Variants in RNF152 observed in about 807,000 individuals in gnomAD.
RNF152 encodes the protein ring finger protein 152.
Under a neutral mutation model 12.7 loss-of-function variants are expected in RNF152, and 11 were observed. The ratio of observed to expected loss-of-function variants is 0.86; its 90% CI spans 0.54 to 1.43. The LOEUF (loss-of-function observed/expected upper bound fraction) is 1.43, where lower values mean the gene tolerates loss of function less well. Ranked by LOEUF, RNF152 falls within the 40% of genes most tolerant of loss-of-function variation. RNF152 has a pLI of 0.00. For missense variants in RNF152, 255 were observed against 274.8 expected (o/e 0.93, Z 0.51); for synonymous variants, 113 against 120.3 (o/e 0.94, Z 0.40).
intron 1 of RNF152, among the ~76,000 whole-genome samples, chr18:61,855,356 G>C (rs186979179): frequency 2.0e-5 from 3 of 152,218 alleles, no homozygotes; most frequent in Non-Finnish European, 4.4e-5. Context: ...TGGCAGAAGC[G>C]GCCTGTTTGG....
chr18:61,867,873 A>T (rs1464558843), intron 1 of RNF152, among the ~76,000 whole-genome samples: 1 of 152,212 alleles, frequency 6.6e-6, no homozygotes, highest in East Asian at 1.9e-4. Context: ...TCTATAAGGA[A>T]CCCCCACTGT....
intron 1 of RNF152, among the ~76,000 whole-genome samples, chr18:61,867,387 G>GGTTGCAGTGAGAGGAGACTGCGCC (rs1412277738): frequency 1.1e-4 from 16 of 152,134 alleles, no homozygotes; most frequent in African/African-American, 3.9e-4. Flanking sequence ...GGGAGGCAGA[G>GGTTGCAGTGAGAGGAGACTGCGCC]GTTGCAGTGA....
rs187771621 is a variant in RNF152 at position 61,862,534 on chromosome 18, A to C, written c.-136+30261T>G. 1.0e-3 allele frequency among the ~76,000 whole-genome samples: 154 copies of C among 152,194 alleles called. 2 individuals are homozygous for C. The East Asian group carries it at 0.026, about 25-fold the overall frequency. Reference sequence around the variant, plus strand: ...CCCTGGGGACAGGAATGCTAGTGTCATGAAGCTTCGGTAAAAAAACCCAAG... The same window carrying C: ...CCCTGGGGACAGGAATGCTAGTGTCCTGAAGCTTCGGTAAAAAAACCCAAG... On this transcript the variant is annotated intron_variant, in intron 1 of 1. Coordinates refer to ENST00000312828, the MANE Select transcript of RNF152 (RefSeq NM_173557.3).
intron 1 of RNF152, among the ~76,000 whole-genome samples, chr18:61,840,677 G>C (rs936347851): frequency 2.6e-5 from 4 of 152,184 alleles, no homozygotes; most frequent in Non-Finnish European, 5.9e-5. Flanking sequence ...TTCTAGAATG[G>C]GGGCCTAGCA....
At chr18:61,825,852 C>A (rs922900251) in intron 1 of RNF152, among the ~76,000 whole-genome samples, 3 of 152,152 alleles carry the variant, frequency 2.0e-5, no homozygotes, top group Non-Finnish European at 4.4e-5. Context: ...CACATGTTCC[C>A]TACTCCTAAT....
chr18:61,844,092 A>AAGAAAGAAAGAAAGAAAGAAAGAAAG (rs1910602624), intron 1 of RNF152, among the ~76,000 whole-genome samples: 4 of 110,972 alleles, frequency 3.6e-5, no homozygotes, highest in Admixed American at 9.1e-5. Context: ...GAAAGAAAGA[A>AAGAAAGAAAGAAAGAAAGAAAGAAAG]AGAAAGAAAG....
rs1910585174 is a variant in RNF152, at chr18:61,844,073, G to GA, written c.-135-27476dup. The stretch of plus-strand genomic sequence containing the variant: ...AAAAAGAAAGAGAGAAAGACAGAAA[G>GA]AAAGGAAAGAAAGAAAGAAAGAAAG... On this transcript the variant is annotated intron_variant, in intron 1 of 1. Coordinates refer to ENST00000312828, the MANE Select transcript of RNF152 (RefSeq NM_173557.3). Among the ~76,000 whole-genome samples, 5 of 115,452 alleles carry GA rather than the reference G, an allele frequency of 4.3e-5. No individual in the cohort carries two copies. In the South Asian group the frequency reaches 8.6e-4, roughly 20 times the overall value. The allele number at this position is 115,452 out of a possible 152,430, so 75.7% of individuals were successfully genotyped here.
At chr18:61,884,558 C>A (rs991197229) in intron 1 of RNF152, among the ~76,000 whole-genome samples, 1 of 151,936 alleles carries the variant, frequency 6.6e-6, no homozygotes, top group Non-Finnish European at 1.5e-5. Context: ...ATTCAACATT[C>A]TTTTGTTTGT....
At position 61,844,077 on chromosome 18, in the gene RNF152, G is replaced by GAAA. The variant is rs1166401201; in HGVS notation, c.-135-27480_-135-27479insTTT. On this transcript the variant is annotated intron_variant, in intron 1 of 1. Transcript: ENST00000312828. ...AGAAAGAGAGAAAGACAGAAAGAAA[G>GAAA]GAAAGAAAGAAAGAAAGAAAGAAAG... Among the ~76,000 whole-genome samples, 100 of 68,500 alleles carry GAAA rather than the reference G, an allele frequency of 1.5e-3. 1 individual carries two copies. The highest frequency in any genetic ancestry group is 6.5e-3 in the Middle Eastern group (1 of 154). 44.9% of individuals were successfully genotyped at this position (68,500 alleles called of 152,430 possible). A position where few individuals can be genotyped will look rare whatever the true frequency, so the allele number is the denominator to read the frequency against.
At position 61,816,042 on chromosome 18, in the gene RNF152, G is replaced by A; in HGVS notation, c.422C>T (p.Pro141Leu). 1 of 1,614,246 alleles carries A rather than the reference G, an allele frequency of 6.2e-7. No homozygotes were observed. The highest frequency in any genetic ancestry group is 8.5e-7 in the Non-Finnish European group (1 of 1,180,044). The change falls in exon 2 of 2, where the codon CCT becomes CTT. Residue 141 changes from proline to leucine, a missense_variant. Physicochemically the swap from Pro to Leu is moderately conservative, Grantham distance 98. Coordinates refer to ENST00000312828, the MANE Select transcript of RNF152 (RefSeq NM_173557.3). ...TVVTIPAEQQ[P>L]LQGGAPQEAV... ...CTCCTGGGGAGCCCCACCTTGCAGA[G>A]GCTGCTGTTCAGCAGGGATGGTCAC... is the stretch of plus-strand genomic sequence containing the variant.
intron 1 of RNF152, chr18:61,888,372 T>G (rs913622013): frequency 6.6e-6 from 1 of 152,230 alleles, no homozygotes. Context: ...TACTTACAAC[T>G]GTTTGACCTA....
Position 61,853,533 on chromosome 18 carries a change from C to G in RNF152, c.-135-36935G>C, listed in dbSNP as rs146836261. On this transcript the variant is annotated intron_variant, in intron 1 of 1. Transcript: ENST00000312828. ...TCTTGAACTCCTGACCTCAGGTGAT[C>G]TGCCAGCCTTGGCCTCCCAAAGTGC... Among the ~76,000 whole-genome samples the G allele has an allele frequency of 7.5e-3, 1,149 of 152,258 alleles. 9 individuals are homozygous for G. Among genetic ancestry groups the G allele is most frequent in the Non-Finnish European group, 0.01 (710 of 68,022 alleles).
At chr18:61,882,842 G>A (rs1316527318) in intron 1 of RNF152, among the ~76,000 whole-genome samples, 1 of 151,976 alleles carries the variant, frequency 6.6e-6, no homozygotes, top group African/African-American at 2.4e-5. Context: ...GTAAACACTG[G>A]GTGCTGAGTA....
At chr18:61,831,498 A>G (rs1430271795) in intron 1 of RNF152, among the ~76,000 whole-genome samples, 5 of 152,146 alleles carry the variant, frequency 3.3e-5, no homozygotes, top group Non-Finnish European at 7.4e-5. Flanking sequence ...TGTCTCCCTT[A>G]TTATCTCCAT....
intron 1 of RNF152, among the ~76,000 whole-genome samples, chr18:61,862,509 C>A (rs559978204): frequency 6.6e-6 from 1 of 152,152 alleles, no homozygotes; most frequent in Non-Finnish European, 1.5e-5. Flanking sequence ...CCACCCTGTG[C>A]CCTGGGGACA....
chr18:61,879,304 A>G (rs891237165), intron 1 of RNF152, among the ~76,000 whole-genome samples: 1 of 152,222 alleles, frequency 6.6e-6, no homozygotes, highest in Non-Finnish European at 1.5e-5. Context: ...CATAGCATTT[A>G]CATTGTATTA....
intron 1 of RNF152, among the ~76,000 whole-genome samples, chr18:61,859,532 G>A (rs1200888151): frequency 6.6e-6 from 1 of 152,208 alleles, no homozygotes; most frequent in Admixed American, 6.5e-5. Context: ...TCACCCACCT[G>A]TGTGGGGCAG....
intron 1 of RNF152, among the ~76,000 whole-genome samples, chr18:61,860,928 T>A (rs142443462): frequency 2.2e-4 from 34 of 152,258 alleles, no homozygotes; most frequent in African/African-American, 7.7e-4. Context: ...AAGAAAAAAA[T>A]TAATTTTACA....
At chr18:61,859,126 C>T (rs111267255) in intron 1 of RNF152, among the ~76,000 whole-genome samples, 6,911 of 152,210 alleles carry the variant, frequency 0.045, 224 homozygotes, top group South Asian at 0.077. Context: ...CATTCAGATG[C>T]CACTATGCAC....
Sources: gnomAD v4.1 joint callset for allele counts (sites outside exome capture counted in the v4.1 genomes callset) on GRCh38, gnomAD v4.1.1 for gene constraint, MANE v1.5 for transcripts, NCBI Gene and HGNC (gene_info 2026-07-23, HGNC 2026-07-21) for gene names.